ANAPC10: variants seen among roughly 807,000 people sequenced by gnomAD.
ANAPC10 encodes the protein anaphase-promoting complex subunit 10.
A neutral mutation model predicts 22.0 loss-of-function variants in ANAPC10; 12 were observed. That is an observed-to-expected ratio of 0.55 (90% confidence interval 0.35 to 0.88). The LOEUF (loss-of-function observed/expected upper bound fraction) is 0.88. ANAPC10 is among the 40% of genes least tolerant of loss of function. The pLI is 0.01. For synonymous variants in ANAPC10, 65 were observed against 69.5 expected (o/e 0.94, Z 0.32); for missense variants, 188 against 220.9 (o/e 0.85, Z 0.94).
intron 4 of ANAPC10, among the ~76,000 whole-genome samples, chr4:144,998,004 A>C (rs1253822875): frequency 6.6e-6 from 1 of 152,246 alleles, no homozygotes; most frequent in African/African-American, 2.4e-5. Flanking sequence ...ATAATGGTAA[A>C]GGGATCAATT....
intron 4 of ANAPC10, among the ~76,000 whole-genome samples, chr4:145,024,534 C>T (rs1478362396): frequency 1.3e-5 from 2 of 152,166 alleles, no homozygotes; most frequent in Admixed American, 1.3e-4. Flanking sequence ...ACATCTCCAT[C>T]AAAGCTCTTG....
At chr4:145,057,939 C>G (rs918797341) in intron 4 of ANAPC10, among the ~76,000 whole-genome samples, 2 of 152,018 alleles carry the variant, frequency 1.3e-5, no homozygotes, top group Non-Finnish European at 2.9e-5. Flanking sequence ...TAATTAAATC[C>G]TCGTAATTTT....
At chr4:145,024,192 A>G (rs1736339260) in intron 4 of ANAPC10, among the ~76,000 whole-genome samples, 1 of 152,142 alleles carries the variant, frequency 6.6e-6, no homozygotes, top group South Asian at 2.1e-4. Context: ...GCTATTTCCA[A>G]TGCATCTGCA....
chr4:145,077,198 C>CA (rs1406097950), intron 3 of ANAPC10, among the ~76,000 whole-genome samples: 13 of 148,506 alleles, frequency 8.8e-5, no homozygotes, highest in African/African-American at 2.5e-4. Context: ...GACTCTGTCT[C>CA]AAAAAAAATA....
rs766740632 is a variant in ANAPC10, at chr4:145,096,130, T to C, written c.-12-19A>G. 6.2e-7 allele frequency: 1 copy of C among 1,605,138 alleles called. No homozygotes were observed. The highest frequency in any genetic ancestry group is 1.7e-5 in the Admixed American group (1 of 57,830). On this transcript the variant is annotated intron_variant, in intron 1 of 4. Coordinates refer to ENST00000507656, the MANE Select transcript of ANAPC10 (RefSeq NM_001256706.2). ...AAATATTCTATGTAGAAAACAAGAATGCACACATTGTATCAGGAACTGGGC... is the reference window on the plus strand; with the variant it reads ...AAATATTCTATGTAGAAAACAAGAACGCACACATTGTATCAGGAACTGGGC...
intron 4 of ANAPC10, among the ~76,000 whole-genome samples, chr4:145,027,874 A>T (rs142268769): frequency 3.0e-4 from 45 of 152,342 alleles, no homozygotes; most frequent in African/African-American, 9.9e-4. Context: ...GTAAACCAAG[A>T]ATGATGAAGA....
intron 4 of ANAPC10, among the ~76,000 whole-genome samples, chr4:145,021,628 T>G (rs1735972041): frequency 6.6e-6 from 1 of 152,184 alleles, no homozygotes; most frequent in Non-Finnish European, 1.5e-5. Flanking sequence ...AAGGATTTCA[T>G]GACCAAGAAC....
intron 4 of ANAPC10, among the ~76,000 whole-genome samples, chr4:144,998,938 C>T (rs1056235450): frequency 1.3e-5 from 2 of 152,032 alleles, no homozygotes; most frequent in African/African-American, 4.8e-5. Context: ...AGCAATATCA[C>T]CACTGAACCA....
chr4:145,047,072 C>T (rs925180708), intron 4 of ANAPC10, among the ~76,000 whole-genome samples: 2 of 152,066 alleles, frequency 1.3e-5, no homozygotes, highest in Non-Finnish European at 2.9e-5. Context: ...TTTTCACAAC[C>T]ACCCAAACAA....
chr4:145,067,319 T>C (rs1200851086), intron 3 of ANAPC10, among the ~76,000 whole-genome samples: 1 of 152,166 alleles, frequency 6.6e-6, no homozygotes, highest in East Asian at 1.9e-4. Flanking sequence ...ATGCTCACTA[T>C]ACGCCAGGCA....
At chr4:145,085,781 T>C (rs1014589552) in intron 2 of ANAPC10, among the ~76,000 whole-genome samples, 2 of 152,086 alleles carry the variant, frequency 1.3e-5, no homozygotes, top group African/African-American at 4.8e-5. Flanking sequence ...AAACGGAACC[T>C]CTTACAAACA....
At chr4:145,080,806 C>G (rs1269956298) in intron 3 of ANAPC10, among the ~76,000 whole-genome samples, 3 of 150,502 alleles carry the variant, frequency 2.0e-5, no homozygotes, top group Non-Finnish European at 4.4e-5. Flanking sequence ...ACTCGGAAGG[C>G]TGAGGCAGGA....
At chr4:145,072,419 G>A (rs1457683970) in intron 3 of ANAPC10, among the ~76,000 whole-genome samples, 1 of 152,108 alleles carries the variant, frequency 6.6e-6, no homozygotes, top group East Asian at 1.9e-4. Flanking sequence ...TATTTTCTAT[G>A]TGAAGAAAAA....
intron 4 of ANAPC10, among the ~76,000 whole-genome samples, chr4:145,019,080 A>G (rs1578928555): frequency 1.3e-5 from 2 of 152,214 alleles, no homozygotes; most frequent in African/African-American, 4.8e-5. Context: ...GATTTAAACT[A>G]GACCTTGGAA....
intron 4 of ANAPC10, among the ~76,000 whole-genome samples, chr4:145,041,031 C>A (rs527748464): frequency 3.3e-5 from 5 of 152,048 alleles, no homozygotes; most frequent in East Asian, 1.9e-4. Flanking sequence ...TTAAAAAAAA[C>A]AACTGAAGTA....
intron 4 of ANAPC10, among the ~76,000 whole-genome samples, chr4:145,038,623 G>A (rs1386538884): frequency 2.0e-5 from 3 of 151,944 alleles, no homozygotes; most frequent in East Asian, 3.9e-4. Context: ...TCAGGAGTTC[G>A]AGACCAGCCT....
intron 4 of ANAPC10, among the ~76,000 whole-genome samples, chr4:145,063,286 AT>A (rs1275074622): frequency 6.6e-6 from 1 of 152,146 alleles, no homozygotes; most frequent in Non-Finnish European, 1.5e-5. Flanking sequence ...ATATTTAATA[AT>A]TTTTTTAAAA....
At chr4:145,043,427 G>C (rs1739812308) in intron 4 of ANAPC10, among the ~76,000 whole-genome samples, 1 of 152,026 alleles carries the variant, frequency 6.6e-6, no homozygotes, top group African/African-American at 2.4e-5. Flanking sequence ...AGAACAATGG[G>C]AAAATTTTCC....
chr4:145,025,433 T>G (rs1165343869), intron 4 of ANAPC10, among the ~76,000 whole-genome samples: 2 of 151,076 alleles, frequency 1.3e-5, no homozygotes, highest in African/African-American at 2.4e-5. Flanking sequence ...CATTGTCAAG[T>G]TACTAAATGG....
Sources: gnomAD v4.1 joint callset for allele counts (sites outside exome capture counted in the v4.1 genomes callset) on GRCh38, gnomAD v4.1.1 for gene constraint, MANE v1.5 for transcripts, NCBI Gene and HGNC (gene_info 2026-07-23, HGNC 2026-07-21) for gene names.